MAPK10: variants seen among roughly 807,000 people sequenced by gnomAD.
The protein encoded by MAPK10 is mitogen-activated protein kinase 10, also known as JNK3 alpha protein kinase.
MAPK10 carries 25 observed loss-of-function variants against 59.3 expected under a neutral mutation model. The ratio of observed to expected loss-of-function variants is 0.42; its 90% CI spans 0.31 to 0.59. The LOEUF (loss-of-function observed/expected upper bound fraction) is 0.59. MAPK10 is among the 20% of genes least tolerant of loss of function. The pLI is 0.15. For synonymous variants in MAPK10, 190 were observed against 200.5 expected, an observed-to-expected ratio of 0.95 and a Z score of 0.44; for missense variants, 351 against 568.9, an observed-to-expected ratio of 0.62 and a Z score of 3.90.
intron 2 of MAPK10, among the ~76,000 whole-genome samples, chr4:86,255,087 A>G (rs1190019218): frequency 6.9e-6 from 1 of 144,498 alleles, no homozygotes. Context: ...TGATTTAATA[A>G]AAGAAAAAAA....
chr4:86,015,100 C>A lies in MAPK10; in HGVS notation c.*2128G>T, dbSNP rs1466467761. The stretch of plus-strand genomic sequence containing the variant: ...ACAATCAGGTTATCTGCAATATTAA[C>A]CAGAAAAAAAATGGTAGCAAAATAG... On this transcript the variant is annotated 3_prime_UTR_variant, in exon 14 of 14. Coordinates refer to ENST00000641462, the MANE Select transcript of MAPK10 (RefSeq NM_138982.4). 4 of 150,820 alleles carry A rather than the reference C, an allele frequency of 2.7e-5. No homozygotes were observed. The highest frequency in any genetic ancestry group is 9.8e-5 in the African/African-American group (4 of 40,990). 9.3% of individuals were successfully genotyped at this position (150,820 alleles called of 1,614,324 possible). A position where few individuals can be genotyped will look rare whatever the true frequency, so the allele number is the denominator to read the frequency against.
In MAPK10 at chr4:86,578,821, C is replaced by T. The variant is rs1006234700; in HGVS notation, c.-263+15089G>A. On this transcript the variant is annotated intron_variant, in intron 1 of 4. Coordinates refer to the MAPK10 transcript ENST00000502302. ...TGACGTCTTGCACCTCAAGTTCCAA[C>T]TTGTGACATAATGAAGCATTTTAAA... Among the ~76,000 whole-genome samples, 74 of 151,618 alleles carry T rather than the reference C, an allele frequency of 4.9e-4. 2 individuals are homozygous for T. The highest frequency in any genetic ancestry group is 2.1e-3 in the Admixed American group (32 of 15,276).
At chr4:86,131,511 C>A (rs1670184406) in intron 4 of MAPK10, among the ~76,000 whole-genome samples, 2 of 152,162 alleles carry the variant, frequency 1.3e-5, no homozygotes, top group South Asian at 4.2e-4. Context: ...TGTACTTTTA[C>A]AACAAGAATT....
chr4:86,137,670 GA>G (rs1260408854), intron 4 of MAPK10, among the ~76,000 whole-genome samples: 1 of 118,948 alleles, frequency 8.4e-6, no homozygotes, highest in Admixed American at 8.4e-5. Flanking sequence ...CAGAAGGCAA[GA>G]AATAACTAAA....
intron 2 of MAPK10, among the ~76,000 whole-genome samples, chr4:86,289,786 C>T (rs1433229566): frequency 1.3e-5 from 2 of 151,944 alleles, no homozygotes; most frequent in Non-Finnish European, 2.9e-5. Flanking sequence ...TAGAAATACT[C>T]ATTTGAGGTA....
chr4:86,209,092 T>C lies in MAPK10; in HGVS notation c.-6-14685A>G, dbSNP rs137866585. Among the ~76,000 whole-genome samples, 453 of 152,154 alleles carry C rather than the reference T, an allele frequency of 3.0e-3. 1 individual carries two copies. The highest frequency in any genetic ancestry group is 0.01 in the African/African-American group (425 of 41,540). On this transcript the variant is annotated intron_variant, in intron 2 of 13. Coordinates refer to ENST00000641462, the MANE Select transcript of MAPK10 (RefSeq NM_138982.4). ...CTTGTATGTATCTACACTGAGAAAC[T>C]TGACACAAAATGCAAGGAGAGATCG...
At chr4:86,253,761 C>T (rs1308990785) in intron 2 of MAPK10, among the ~76,000 whole-genome samples, 1 of 75,784 alleles carries the variant, frequency 1.3e-5, no homozygotes, top group Non-Finnish European at 2.4e-5. Flanking sequence ...ACCAGTTCCT[C>T]CTTGTACCTC....
chr4:86,573,991 C>T (rs1159706605), intron 1 of MAPK10, among the ~76,000 whole-genome samples: 1 of 152,042 alleles, frequency 6.6e-6, no homozygotes, highest in Non-Finnish European at 1.5e-5. Context: ...TGCCATGCTG[C>T]TGTGCTGCAC....
At chr4:86,131,243 G>A (rs1239031694) in intron 4 of MAPK10, among the ~76,000 whole-genome samples, 9 of 152,082 alleles carry the variant, frequency 5.9e-5, no homozygotes, top group African/African-American at 1.9e-4. Context: ...TGAAAAACAC[G>A]CACAAACAAG....
chr4:86,279,797 A>C (rs1408609479), intron 2 of MAPK10, among the ~76,000 whole-genome samples: 1 of 152,128 alleles, frequency 6.6e-6, no homozygotes, highest in African/African-American at 2.4e-5. Flanking sequence ...TCACTCCAGC[A>C]TTCTAGCCAC....
intron 3 of MAPK10, among the ~76,000 whole-genome samples, chr4:86,176,766 C>T (rs2075774590): frequency 6.6e-6 from 1 of 152,050 alleles, no homozygotes; most frequent in African/African-American, 2.4e-5. Flanking sequence ...CAACATTAAT[C>T]ATTCATCCAT....
intron 1 of MAPK10, among the ~76,000 whole-genome samples, chr4:86,450,803 T>A (rs1175153821): frequency 6.6e-6 from 1 of 152,222 alleles, no homozygotes; most frequent in Non-Finnish European, 1.5e-5. Context: ...AAAAAGAACA[T>A]TAAGATGTTG....
At chr4:86,112,116 A>C (rs573365041) in intron 4 of MAPK10, among the ~76,000 whole-genome samples, 1 of 148,210 alleles carries the variant, frequency 6.7e-6, no homozygotes, top group African/African-American at 2.5e-5. Context: ...TTCATTATTA[A>C]TCTAGTTAGT....
chr4:86,166,492 C>G (rs1346216713), intron 3 of MAPK10, among the ~76,000 whole-genome samples: 1 of 151,914 alleles, frequency 6.6e-6, no homozygotes, highest in African/African-American at 2.4e-5. Context: ...AGAAGTTAGA[C>G]AACATTTAAG....
chr4:86,475,245 C>T (rs1055533126), intron 1 of MAPK10, among the ~76,000 whole-genome samples: 2 of 152,264 alleles, frequency 1.3e-5, no homozygotes, highest in South Asian at 2.1e-4. Flanking sequence ...TGCCATGACT[C>T]GGATCAGGGG....
At chr4:86,279,523 T>C (rs1440669190) in intron 2 of MAPK10, among the ~76,000 whole-genome samples, 1 of 152,212 alleles carries the variant, frequency 6.6e-6, no homozygotes, top group Non-Finnish European at 1.5e-5. Flanking sequence ...TGAGTTAATA[T>C]ATGCAAAGCA....
At chr4:86,199,819 A>G (rs1010409492) in intron 2 of MAPK10, among the ~76,000 whole-genome samples, 1 of 152,030 alleles carries the variant, frequency 6.6e-6, no homozygotes, top group African/African-American at 2.4e-5. Flanking sequence ...TTGTGTATGC[A>G]TGGATGTGTA....
intron 2 of MAPK10, among the ~76,000 whole-genome samples, chr4:86,196,615 T>C (rs1392729225): frequency 6.6e-6 from 1 of 152,172 alleles, no homozygotes. Flanking sequence ...TTTGGTGTTT[T>C]AGTCATGAAG....
chr4:86,122,646 C>A (rs1053688975), intron 4 of MAPK10, among the ~76,000 whole-genome samples: 2 of 152,110 alleles, frequency 1.3e-5, no homozygotes, highest in Admixed American at 6.6e-5. Flanking sequence ...TAATTTTTCA[C>A]TCAGAATTGT....
Sources: allele counts gnomAD v4.1 joint callset (sites outside exome capture counted in the v4.1 genomes callset), GRCh38; gene constraint gnomAD v4.1.1; transcripts MANE v1.5; gene names NCBI Gene and HGNC (gene_info 2026-07-23, HGNC 2026-07-21).